NEIL3: variants seen among roughly 807,000 people sequenced by gnomAD.
NEIL3 encodes the protein nei like DNA glycosylase 3, also known as endonuclease 8-like 3.
Under a neutral mutation model 57.5 loss-of-function variants are expected in NEIL3, and 48 were observed. That is an observed-to-expected ratio of 0.83 (90% CI 0.66 to 1.06). The LOEUF is 1.06. Ranked by LOEUF, NEIL3 falls within the 50% of genes least tolerant of loss-of-function variation. The pLI is 0.00. For synonymous variants in NEIL3, 261 were observed against 253.2 expected (o/e 1.03, Z -0.29); for missense variants, 717 against 739.1 (o/e 0.97, Z 0.35).
At chr4:177,339,717 G>T (rs1735051618) in intron 4 of NEIL3, 66 bp from the exon 5 acceptor site, 1 of 1,014,362 alleles carries the variant, frequency 9.9e-7, no homozygotes, top group Non-Finnish European at 1.5e-6. Context: ...AATTGGCAAG[G>T]CGTATTATTT....
At chr4:177,360,720 G>T in intron 9 of NEIL3, 43 bp downstream of exon 9, 1 of 1,450,264 alleles carries the variant, frequency 6.9e-7, no homozygotes, top group Non-Finnish European at 9.4e-7. Flanking sequence ...GTAATTAAAT[G>T]CTTTGGTTAT....
At position 177,341,529 on chromosome 4, in the gene NEIL3, T is replaced by C. The variant is rs17676249; in HGVS notation, c.756T>C (p.Pro252=). ...LSKHYKVYKR[P]NCGQCHCRIT... Reference sequence around the variant, plus strand: ...AACACTATAAGGTTTACAAGCGTCCTAATTGTGGTCAGTGCCACTGCAGAA... The same window carrying C: ...AACACTATAAGGTTTACAAGCGTCCCAATTGTGGTCAGTGCCACTGCAGAA... Residue 252 remains proline (P), a synonymous_variant, in exon 6 of 10, where the codon CCT becomes CCC. Transcript: ENST00000264596. 0.2 allele frequency: 320,043 copies of C among 1,612,862 alleles called. 32,794 individuals are homozygous for C. The highest frequency in any genetic ancestry group is 0.21 in the Non-Finnish European group (251,504 of 1,179,384).
In NEIL3 at chr4:177,338,259, A is replaced by G. The variant is rs35003303; in HGVS notation, c.628-1524A>G. On this transcript the variant is annotated intron_variant, in intron 4 of 9. Transcript: ENST00000264596. Reference sequence around the variant, plus strand: ...CTATGTTGATTAGATTTTCACTTCTATAGTCACTGATAAGTGATTTTCTTT... The same window carrying G: ...CTATGTTGATTAGATTTTCACTTCTGTAGTCACTGATAAGTGATTTTCTTT... Among the ~76,000 whole-genome samples the G allele has an allele frequency of 7.7e-3, 1,173 of 152,298 alleles. 12 individuals carry two copies. The highest frequency in any genetic ancestry group is 0.026 in the African/African-American group (1,091 of 41,558).
intron 6 of NEIL3, 85 bp downstream of exon 6, chr4:177,341,727 G>A: frequency 8.7e-7 from 1 of 1,152,816 alleles, no homozygotes. Flanking sequence ...CTGAATAACT[G>A]TCAGGCTATT....
intron 6 of NEIL3, 55 bp downstream of exon 6, chr4:177,341,697 C>T (rs1442694284): frequency 7.0e-7 from 1 of 1,436,094 alleles, no homozygotes; most frequent in African/African-American, 1.4e-5. Context: ...AACTAAAAGG[C>T]TAATAATCTG....
intron 1 of NEIL3, among the ~76,000 whole-genome samples, chr4:177,312,499 T>C (rs1734495289): frequency 6.6e-6 from 1 of 152,156 alleles, no homozygotes; most frequent in South Asian, 2.1e-4. Context: ...GTCAATTCTC[T>C]TATATCTATT....
intron 8 of NEIL3, chr4:177,356,972 C>T (rs1735486031): frequency 6.6e-6 from 1 of 152,144 alleles, no homozygotes; most frequent in Non-Finnish European, 1.5e-5. Flanking sequence ...ATGACAATAA[C>T]AAAATCATTA....
downstream of NEIL3, among the ~76,000 whole-genome samples, chr4:177,365,101 AG>A (rs1315828144): frequency 2.0e-5 from 3 of 152,136 alleles, no homozygotes; most frequent in Non-Finnish European, 4.4e-5. Context: ...TATAACTATG[AG>A]AAAAAAATCA....
At chr4:177,331,267 T>C (rs978550623) in intron 2 of NEIL3, among the ~76,000 whole-genome samples, 2 of 152,034 alleles carry the variant, frequency 1.3e-5, no homozygotes, top group East Asian at 1.9e-4. Context: ...TTTGGATAAT[T>C]TCTATTAATC....
chr4:177,352,171 T>C (rs1267563111), intron 7 of NEIL3, among the ~76,000 whole-genome samples: 1 of 152,228 alleles, frequency 6.6e-6, no homozygotes, highest in African/African-American at 2.4e-5. Flanking sequence ...TATTTCTTTC[T>C]TCAATTAGAG....
chr4:177,365,749 C>G (rs1053316341), downstream of NEIL3, among the ~76,000 whole-genome samples: 7 of 152,168 alleles, frequency 4.6e-5, no homozygotes, highest in Non-Finnish European at 1.0e-4. Context: ...AGGAATTTAA[C>G]TCTGGTTTAT....
downstream of NEIL3, among the ~76,000 whole-genome samples, chr4:177,366,799 GC>G (rs1560925923): frequency 1.3e-5 from 2 of 152,184 alleles, no homozygotes; most frequent in South Asian, 4.1e-4. Context: ...AAGGAACATA[GC>G]CCAGATCCCT....
chr4:177,309,906 A>T lies in NEIL3; in HGVS notation c.-48A>T. The T allele has an allele frequency of 1.9e-6, 3 of 1,582,196 alleles. No individual in the cohort carries two copies. Among genetic ancestry groups the T allele is most frequent in the Non-Finnish European group, 2.6e-6 (3 of 1,166,778 alleles). Reference sequence around the variant, plus strand: ...GCGCAGCGTTGAGTTGCACAGCGGTATTCTCACCAGGCCCTGCAATCGGTG... The same window carrying T: ...GCGCAGCGTTGAGTTGCACAGCGGTTTTCTCACCAGGCCCTGCAATCGGTG... On this transcript the variant is annotated 5_prime_UTR_variant, in exon 1 of 10. Coordinates refer to ENST00000264596, the MANE Select transcript of NEIL3 (RefSeq NM_018248.3).
intron 1 of NEIL3, 105 bp downstream of exon 1, chr4:177,310,214 G>T: frequency 1.6e-6 from 2 of 1,214,926 alleles, no homozygotes; most frequent in South Asian, 1.9e-5. Context: ...CTCTGGCCCA[G>T]GTTTCCTGGG....
At chr4:177,364,466 C>T (rs988597176), downstream of NEIL3, among the ~76,000 whole-genome samples, 24 of 152,198 alleles carry the variant, frequency 1.6e-4, no homozygotes, top group Non-Finnish European at 3.2e-4. Flanking sequence ...TATTTCTCAT[C>T]TACAGAATCA....
Position 177,362,902 on chromosome 4 carries a change from G to A in NEIL3, c.*431G>A, listed in dbSNP as rs1735639043. On this transcript the variant is annotated 3_prime_UTR_variant, in exon 10 of 10. Transcript: ENST00000264596. The stretch of plus-strand genomic sequence containing the variant: ...TAATATATGATTAAAGATATTTCTT[G>A]TTTTATTAAATAATAAGAAATAAGA... 6.6e-6 allele frequency: 1 copy of A among 151,892 alleles called. No individual in the cohort carries two copies. The highest frequency in any genetic ancestry group is 2.1e-4 in the South Asian group (1 of 4,820). The allele number at this position is 151,892 out of a possible 1,614,324, so 9.4% of individuals were successfully genotyped here.
intron 6 of NEIL3, among the ~76,000 whole-genome samples, chr4:177,345,877 G>A (rs1735211797): frequency 6.6e-6 from 1 of 151,292 alleles, no homozygotes. Flanking sequence ...TTTCAGTAGA[G>A]ATGGGGTTTC....
chr4:177,359,959 A>G (rs1264069391), intron 8 of NEIL3, among the ~76,000 whole-genome samples: 2 of 152,222 alleles, frequency 1.3e-5, no homozygotes, highest in East Asian at 3.8e-4. Context: ...CAGGAATATG[A>G]TTGCGACTAT....
At position 177,312,501 on chromosome 4, in the gene NEIL3, A is replaced by G. The variant is rs1275419945; in HGVS notation, c.156+2392A>G. 2.6e-5 allele frequency among the ~76,000 whole-genome samples: 4 copies of G among 152,296 alleles called. No homozygotes were observed. In the East Asian group the frequency reaches 5.8e-4, roughly 22 times the overall value. ...TTTGTTCGGTTGAGTCAATTCTCTT[A>G]TATCTATTCTGATAATTCTCTTCTA... On this transcript the variant is annotated intron_variant, in intron 1 of 9. Transcript: ENST00000264596.
Sources: gnomAD v4.1 joint callset for allele counts (sites outside exome capture counted in the v4.1 genomes callset) on GRCh38, gnomAD v4.1.1 for gene constraint, MANE v1.5 for transcripts, NCBI Gene and HGNC (gene_info 2026-07-23, HGNC 2026-07-21) for gene names.